SLC23A2: variants seen among roughly 807,000 people sequenced by gnomAD.
The protein encoded by SLC23A2 is Na(+)/L-ascorbic acid transporter 2.
In SLC23A2, 36 loss-of-function variants were observed where a neutral mutation model predicts 73.3. The ratio of observed to expected loss-of-function variants is 0.49; its 90% confidence interval spans 0.38 to 0.65. The LOEUF is 0.65. Among genes scored for constraint, SLC23A2 ranks in the 30% least tolerant of loss-of-function variants. SLC23A2 has a pLI of 0.00. For synonymous variants in SLC23A2, 343 were observed against 327.3 expected (o/e 1.05, Z -0.52); for missense variants, 507 against 841.6 (o/e 0.60, Z 4.92).
intron 13 of SLC23A2, among the ~76,000 whole-genome samples, chr20:4,866,683 A>G (rs998894806): frequency 6.6e-6 from 1 of 152,198 alleles, no homozygotes; most frequent in Non-Finnish European, 1.5e-5. Flanking sequence ...CCTGCCTGGC[A>G]GCTCCCTCTC....
At chr20:4,985,123 A>G (rs2087802786) in intron 1 of SLC23A2, among the ~76,000 whole-genome samples, 1 of 141,938 alleles carries the variant, frequency 7.0e-6, no homozygotes, top group Non-Finnish European at 1.5e-5. Flanking sequence ...GTGACAGAGC[A>G]AGACTCCGTC....
chr20:4,953,399 A>G (rs986934571), intron 2 of SLC23A2, among the ~76,000 whole-genome samples: 1 of 152,188 alleles, frequency 6.6e-6, no homozygotes, highest in Non-Finnish European at 1.5e-5. Flanking sequence ...CTGAAAACAG[A>G]GAGTAAGAAG....
In SLC23A2 at chr20:4,923,490, T is replaced by C. The variant is rs1188447359; in HGVS notation, c.108+8965A>G. On this transcript the variant is annotated intron_variant, in intron 3 of 16. Transcript: ENST00000338244. ...GCATCCCCTGCCTAAATCATGGCCA[T>C]TATGCAGTATATTAAAACTCTCATC... 2.0e-5 allele frequency among the ~76,000 whole-genome samples: 3 copies of C among 152,182 alleles called. No individual in the cohort carries two copies. In the East Asian group the frequency reaches 5.8e-4, roughly 29 times the overall value.
chr20:4,964,573 C>T (rs150650747), intron 2 of SLC23A2, among the ~76,000 whole-genome samples: 5 of 152,166 alleles, frequency 3.3e-5, no homozygotes, highest in Non-Finnish European at 5.9e-5. Context: ...GGGTGACTGA[C>T]GTGGCAACGT....
At chr20:4,912,613 T>C (rs1437886711) in intron 4 of SLC23A2, among the ~76,000 whole-genome samples, 1 of 150,426 alleles carries the variant, frequency 6.6e-6, no homozygotes, top group Non-Finnish European at 1.5e-5. Flanking sequence ...TGAGGCCTTT[T>C]TAAATACCTG....
chr20:4,865,709 C>T (rs532953330), intron 13 of SLC23A2, among the ~76,000 whole-genome samples: 2 of 152,084 alleles, frequency 1.3e-5, no homozygotes, highest in South Asian at 2.1e-4. Flanking sequence ...GTTCCAGGAC[C>T]GCCACTCTCC....
chr20:4,993,152 C>T (rs1019642677), intron 1 of SLC23A2, among the ~76,000 whole-genome samples: 6 of 151,734 alleles, frequency 4.0e-5, no homozygotes, highest in Non-Finnish European at 7.4e-5. Context: ...GGCATGGTAG[C>T]GGGCGCCTGC....
intron 1 of SLC23A2, among the ~76,000 whole-genome samples, chr20:4,993,863 G>A (rs755962524): frequency 5.9e-5 from 9 of 152,014 alleles, no homozygotes; most frequent in Non-Finnish European, 7.4e-5. Context: ...TCAAGAGTTC[G>A]AGACCATCCT....
chr20:4,865,311 G>A (rs1046623801), intron 13 of SLC23A2, among the ~76,000 whole-genome samples: 1 of 152,166 alleles, frequency 6.6e-6, no homozygotes, highest in Non-Finnish European at 1.5e-5. Flanking sequence ...TCTGTTCCTA[G>A]AAATAAACTA....
intron 2 of SLC23A2, among the ~76,000 whole-genome samples, chr20:4,957,103 G>A (rs766905568): frequency 1.3e-4 from 19 of 151,728 alleles, no homozygotes; most frequent in Non-Finnish European, 1.6e-4. Flanking sequence ...TACTGCGCCC[G>A]GCCTCCTTCC....
At chr20:4,900,573 TAAGCTTCATA>T (rs1931707182) in intron 5 of SLC23A2, among the ~76,000 whole-genome samples, 1 of 152,262 alleles carries the variant, frequency 6.6e-6, no homozygotes, top group African/African-American at 2.4e-5. Context: ...TAAAGTTACA[TAAGCTTCATA>T]AGTTACATAC....
At chr20:4,991,053 G>A (rs946404982) in intron 1 of SLC23A2, among the ~76,000 whole-genome samples, 1 of 151,462 alleles carries the variant, frequency 6.6e-6, no homozygotes, top group African/African-American at 2.4e-5. Context: ...ATACCAGTTA[G>A]TAATAGCGGG....
At chr20:4,987,664 C>T (rs111733047) in intron 1 of SLC23A2, among the ~76,000 whole-genome samples, 5,476 of 152,032 alleles carry the variant, frequency 0.036, 346 homozygotes, top group East Asian at 0.27. Flanking sequence ...CTGGCTAACA[C>T]GGTGAAACCC....
chr20:4,902,310 C>A lies in SLC23A2; in HGVS notation c.324+132G>T, dbSNP rs570157347. The stretch of plus-strand genomic sequence containing the variant: ...TCAGCCACTGTGCTCAGCCCCTACT[C>A]ATCACTCTTAAAAGAGGAATTTATA... On this transcript the variant is annotated intron_variant, in intron 5 of 16. Coordinates refer to ENST00000338244, the MANE Select transcript of SLC23A2 (RefSeq NM_005116.6). The surrounding 1 kb of genome is among the most constrained non-coding windows in gnomAD (Gnocchi z 4.0). The A allele has an allele frequency of 1.9e-5, 11 of 582,520 alleles. No homozygotes were observed. The highest frequency in any genetic ancestry group is 3.0e-5 in the Non-Finnish European group (10 of 329,236). 36.1% of individuals were successfully genotyped at this position (582,520 alleles called of 1,614,324 possible). A position where few individuals can be genotyped will look rare whatever the true frequency, so the allele number is the denominator to read the frequency against.
At chr20:4,970,354 G>T (rs906286757) in intron 2 of SLC23A2, among the ~76,000 whole-genome samples, 1 of 152,042 alleles carries the variant, frequency 6.6e-6, no homozygotes, top group African/African-American at 2.4e-5. Context: ...CATTTAGACC[G>T]TTCTCAACAC....
chr20:4,910,392 AAACAGCCCGC>A (rs1204770423), intron 4 of SLC23A2, among the ~76,000 whole-genome samples: 1 of 151,534 alleles, frequency 6.6e-6, no homozygotes, highest in Non-Finnish European at 1.5e-5. Flanking sequence ...AAAAAAAAAA[AAACAGCCCGC>A]TGAGGGTCTG....
chr20:4,877,891 C>A (rs886232945), intron 9 of SLC23A2, among the ~76,000 whole-genome samples: 1 of 152,240 alleles, frequency 6.6e-6, no homozygotes, highest in Admixed American at 6.5e-5. Context: ...GCCGCACTAA[C>A]CTTCCCTGAG....
At chr20:4,962,676 A>G (rs923932568) in intron 2 of SLC23A2, among the ~76,000 whole-genome samples, 5 of 152,222 alleles carry the variant, frequency 3.3e-5, no homozygotes, top group Admixed American at 3.3e-4. Context: ...CCAGGAGCCA[A>G]CATTCAAGGG....
At chr20:4,892,939 A>C (rs1443688989) in intron 6 of SLC23A2, among the ~76,000 whole-genome samples, 1 of 152,162 alleles carries the variant, frequency 6.6e-6, no homozygotes, top group African/African-American at 2.4e-5. Flanking sequence ...TACGAACTGC[A>C]TATGAGATGA....
Sources: allele counts gnomAD v4.1 joint callset (sites outside exome capture counted in the v4.1 genomes callset), GRCh38; gene constraint gnomAD v4.1.1; non-coding constraint Gnocchi (gnomAD v3.1); transcripts MANE v1.5; gene names NCBI Gene and HGNC (gene_info 2026-07-23, HGNC 2026-07-21).